KATNIP: variants seen among roughly 807,000 people sequenced by gnomAD.
KATNIP encodes katanin-interacting protein.
KATNIP carries 126 observed loss-of-function variants against 174.0 expected under a neutral mutation model. That is an observed-to-expected ratio of 0.72 (90% CI 0.63 to 0.84). The LOEUF (loss-of-function observed/expected upper bound fraction) is 0.84. KATNIP is among the 40% of genes least tolerant of loss of function. The probability of loss-of-function intolerance (pLI) is 0.00; values close to 1 mark genes in which losing one functional copy is unlikely to be tolerated. For synonymous variants in KATNIP, 810 were observed against 835.7 expected, an observed-to-expected ratio of 0.97 and a Z score of 0.53; for missense variants, 1,958 against 2,109.7, an observed-to-expected ratio of 0.93 and a Z score of 1.41.
At chr16:27,711,549 C>T (rs1332591440) in intron 13 of KATNIP, among the ~76,000 whole-genome samples, 1 of 152,212 alleles carries the variant, frequency 6.6e-6, no homozygotes, top group African/African-American at 2.4e-5. Flanking sequence ...TCGCAACTCT[C>T]TGCTGGAAAT....
At chr16:27,763,767 G>A (rs1241518688) in intron 19 of KATNIP, among the ~76,000 whole-genome samples, 1 of 152,114 alleles carries the variant, frequency 6.6e-6, no homozygotes, top group African/African-American at 2.4e-5. Context: ...TATGTGTTGT[G>A]ATTGGTTGCT....
chr16:27,666,755 GGT>G (rs2077701623), intron 6 of KATNIP, among the ~76,000 whole-genome samples: 1 of 152,264 alleles, frequency 6.6e-6, no homozygotes, highest in African/African-American at 2.4e-5. Flanking sequence ...GGACAGGCAT[GGT>G]GGTTCACGCC....
At chr16:27,647,639 G>C (rs1203814803) in intron 5 of KATNIP, among the ~76,000 whole-genome samples, 1 of 152,044 alleles carries the variant, frequency 6.6e-6, no homozygotes, top group African/African-American at 2.4e-5. Context: ...CTGAGTAGCT[G>C]GGACTACAGG....
At chr16:27,568,597 T>A (rs2090173382) in intron 1 of KATNIP, among the ~76,000 whole-genome samples, 2 of 152,138 alleles carry the variant, frequency 1.3e-5, no homozygotes, top group South Asian at 2.1e-4. Context: ...CCCGAGTAGC[T>A]AAGACTACAG....
chr16:27,749,848 G>T lies in KATNIP; in HGVS notation c.2888G>T (p.Gly963Val), dbSNP rs774066509. 8.1e-6 allele frequency: 13 copies of T among 1,614,116 alleles called. No homozygotes were observed. Among genetic ancestry groups the T allele is most frequent in the Non-Finnish European group, 9.3e-6 (11 of 1,180,010 alleles). Residue 963 changes from glycine (G) to valine (V), a missense_variant, in exon 16 of 28, where the codon GGG becomes GTG. Physicochemically the swap from Gly to Val is moderately radical, Grantham distance 109. This residue lies in a region of KATNIP where 1,557 missense variants were observed against 1,617.8 expected (regional missense o/e 0.96). Transcript: ENST00000261588. ...QDGYSGETDA[G>V]GDFKIPVLPY... ...GGCTACTCTGGAGAGACAGACGCTGGGGGTGACTTTAAAATCCCCGTCTTG... is the reference window on the plus strand; with the variant it reads ...GGCTACTCTGGAGAGACAGACGCTGTGGGTGACTTTAAAATCCCCGTCTTG...
chr16:27,686,763 T>C (rs1165422027), intron 8 of KATNIP, among the ~76,000 whole-genome samples: 1 of 152,160 alleles, frequency 6.6e-6, no homozygotes, highest in Admixed American at 6.5e-5. Flanking sequence ...ATTATTATTC[T>C]AGTCATTACC....
At chr16:27,650,995 G>T (rs968030283) in intron 6 of KATNIP, among the ~76,000 whole-genome samples, 4 of 152,124 alleles carry the variant, frequency 2.6e-5, no homozygotes, top group Non-Finnish European at 1.5e-5. Flanking sequence ...CTCTTAATTG[G>T]GAGGCTGGTT....
chr16:27,773,603 CATAG>C (rs1332291668), intron 23 of KATNIP, among the ~76,000 whole-genome samples: 3 of 152,210 alleles, frequency 2.0e-5, no homozygotes, highest in Non-Finnish European at 4.4e-5. Context: ...ACCCTTTGTG[CATAG>C]TATGCCCACA....
At chr16:27,772,974 G>A (rs760651343) in intron 22 of KATNIP, 125 bp from the exon 23 acceptor site, 4 of 617,688 alleles carry the variant, frequency 6.5e-6, no homozygotes, top group Non-Finnish European at 1.1e-5. Flanking sequence ...GTTGCAATAA[G>A]AGAAAAATGT....
intron 2 of KATNIP, among the ~76,000 whole-genome samples, chr16:27,588,463 G>A (rs906683413): frequency 6.6e-6 from 1 of 151,806 alleles, no homozygotes; most frequent in Admixed American, 6.6e-5. Context: ...CCACTATTTT[G>A]ACTGTTTTTT....
chr16:27,616,354 C>T (rs925176868), intron 2 of KATNIP, among the ~76,000 whole-genome samples: 16 of 152,040 alleles, frequency 1.1e-4, no homozygotes, highest in African/African-American at 3.4e-4. Flanking sequence ...CAGAGCAAGA[C>T]TCCATTTCAA....
At chr16:27,664,983 G>A (rs1221846904) in intron 6 of KATNIP, among the ~76,000 whole-genome samples, 4 of 152,150 alleles carry the variant, frequency 2.6e-5, no homozygotes, top group Non-Finnish European at 5.9e-5. Context: ...TTAAGTAAGG[G>A]GCAGCAGAGA....
At position 27,769,994 on chromosome 16, in the gene KATNIP, A is replaced by G. The variant is rs147427903; in HGVS notation, c.4109A>G (p.Gln1370Arg). Residue 1370 changes from glutamine to arginine, a missense_variant, in exon 21 of 28, where the codon CAG becomes CGG. By Grantham distance (43) the Gln-to-Arg change is conservative. Around this residue, in one of 3 missense-constraint regions of KATNIP, gnomAD observed 383 missense variants for 456.0 expected, o/e 0.84. Transcript: ENST00000261588. ...CTCTTCGTGGACTACCTACGGGCTC[A>G]GCTGCTGCCCCAGCCGGCCAGGAGG... ...EILFVDYLRA[Q>R]LLPQPARRLD... 2.1e-4 allele frequency: 331 copies of G among 1,613,916 alleles called. 2 individuals carry two copies. In the African/African-American group the frequency reaches 4.2e-3, roughly 21 times the overall value.
chr16:27,596,799 G>A (rs910124198), intron 2 of KATNIP, among the ~76,000 whole-genome samples: 2 of 152,138 alleles, frequency 1.3e-5, no homozygotes, highest in African/African-American at 4.8e-5. Context: ...GAGGCAGGTG[G>A]ATCACTTGAT....
intron 10 of KATNIP, among the ~76,000 whole-genome samples, chr16:27,700,241 A>G (rs1175080405): frequency 6.6e-6 from 1 of 152,234 alleles, no homozygotes; most frequent in Non-Finnish European, 1.5e-5. Context: ...AAGACAATGC[A>G]AAAACAGATC....
intron 6 of KATNIP, among the ~76,000 whole-genome samples, chr16:27,654,224 C>T (rs1234951346): frequency 6.6e-6 from 1 of 152,222 alleles, no homozygotes; most frequent in Non-Finnish European, 1.5e-5. Flanking sequence ...GATCTGCCCG[C>T]CTCAGCCTCC....
At chr16:27,670,847 CAA>C (rs1273318155) in intron 6 of KATNIP, among the ~76,000 whole-genome samples, 1 of 151,990 alleles carries the variant, frequency 6.6e-6, no homozygotes, top group Non-Finnish European at 1.5e-5. Context: ...TTTTTAAAAA[CAA>C]AGAAGAAAAG....
At chr16:27,666,151 T>G (rs1397411901) in intron 6 of KATNIP, among the ~76,000 whole-genome samples, 1 of 152,190 alleles carries the variant, frequency 6.6e-6, no homozygotes. Context: ...ATCTACTTCC[T>G]GAGTTCATTT....
At chr16:27,620,100 A>G (rs2076150168) in intron 3 of KATNIP, among the ~76,000 whole-genome samples, 1 of 152,232 alleles carries the variant, frequency 6.6e-6, no homozygotes, top group African/African-American at 2.4e-5. Context: ...TCAAAGAGGC[A>G]CTGGCCAATA....
Sources: gnomAD v4.1 joint callset for allele counts (sites outside exome capture counted in the v4.1 genomes callset) on GRCh38, gnomAD v4.1.1 for gene constraint, gnomAD v4.1.1 regional missense constraint, MANE v1.5 for transcripts, NCBI Gene and HGNC (gene_info 2026-07-23, HGNC 2026-07-21) for gene names.